The following ZNF746 variants were observed in gnomAD, a reference collection of about 807,000 sequenced individuals.
The protein encoded by ZNF746 is zinc finger protein 746, also known as parkin-interacting substrate.
In ZNF746, 13 loss-of-function variants were observed where a neutral mutation model predicts 41.0. The observed-to-expected ratio is 0.32, with a 90% confidence interval of 0.21 to 0.50. The LOEUF (loss-of-function observed/expected upper bound fraction) is 0.50. ZNF746 is among the 20% of genes least tolerant of loss of function. The probability of loss-of-function intolerance (pLI) is 0.98; values close to 1 mark genes in which losing one functional copy is unlikely to be tolerated. For missense variants in ZNF746, 811 were observed against 922.9 expected (o/e 0.88, Z 1.57); for synonymous variants, 424 against 396.2 (o/e 1.07, Z -0.83).
At position 149,494,071 on chromosome 7, in the gene ZNF746, C is replaced by T; in HGVS notation, c.369G>A (p.Gln123=). The stretch of plus-strand genomic sequence containing the variant: ...GCCAGTCCTCCAGCTTGCCCCACTC[C>T]TGCTCGGAGAAATACACGGCCACAT... ...FDDVAVYFSE[Q]EWGKLEDWQK... is the part of the protein sequence containing the mutation. The change falls in exon 3 of 7, where the codon CAG becomes CAA. Residue 123 remains glutamine, a synonymous_variant. Coordinates refer to ENST00000458143, the MANE Select transcript of ZNF746 (RefSeq NM_001394198.1). The surrounding 1 kb of genome is among the most constrained non-coding windows in gnomAD (Gnocchi z 5.6). The T allele has an allele frequency of 1.2e-6, 2 of 1,614,196 alleles. No individual in the cohort carries two copies. The highest frequency in any genetic ancestry group is 2.2e-5 in the East Asian group (1 of 44,884).
intron 4 of ZNF746, chr7:149,491,561 C>T (rs1585738805): frequency 2.9e-6 from 1 of 350,274 alleles, no homozygotes; most frequent in East Asian, 5.4e-5. Flanking sequence ...AAAAATGCAT[C>T]TGTAGAGCTA....
rs1390915664 is a variant in ZNF746, at chr7:149,497,755, C to T, written c.-219G>A. On this transcript the variant is annotated 5_prime_UTR_variant, in exon 1 of 7. Transcript: ENST00000458143. This position sits in a 1 kb window ranked among gnomAD's most constrained non-coding sequence, Gnocchi z 4.2. The stretch of plus-strand genomic sequence containing the variant: ...CCACACTGCATCCTGGGAGCCGGCG[C>T]CGCGGCCCGGCAGACGAAGGCCCGT... 1 of 174,498 alleles carries T rather than the reference C, an allele frequency of 5.7e-6. No individual in the cohort carries two copies. Among genetic ancestry groups the T allele is most frequent in the Non-Finnish European group, 1.1e-5 (1 of 88,304 alleles). 10.8% of individuals were successfully genotyped at this position (174,498 alleles called of 1,614,324 possible).
chr7:149,474,817 C>A lies in ZNF746; in HGVS notation c.1550G>T (p.Gly517Val), dbSNP rs1176818576. Residue 517 changes from glycine to valine, a missense_variant, in exon 7 of 7, where the codon GGG (glycine) becomes GTG (valine). Gly to Val is a moderately radical substitution (Grantham distance 109). Coordinates refer to ENST00000458143, the MANE Select transcript of ZNF746 (RefSeq NM_001394198.1). The surrounding 1 kb of genome is among the most constrained non-coding windows in gnomAD (Gnocchi z 6.3). ...GGCGCTGCCATCCCGTGCGCTGCCCCCACCGCTGCCGCCACCGCCGCCGCC... is the reference window on the plus strand; with the variant it reads ...GGCGCTGCCATCCCGTGCGCTGCCCACACCGCTGCCGCCACCGCCGCCGCC... ...GSGGGGGGSGGGSARDGSALR... is the reference protein window; with the variant it reads ...GSGGGGGGSGVGSARDGSALR... The A allele has an allele frequency of 9.6e-6, 14 of 1,455,670 alleles. No individual in the cohort carries two copies. The South Asian group carries it at 1.5e-4, about 16-fold the overall frequency. The allele number at this position is 1,455,670 out of a possible 1,614,324, so 90.2% of individuals were successfully genotyped here. A position where few individuals can be genotyped will look rare whatever the true frequency, so the allele number is the denominator to read the frequency against.
In ZNF746 at chr7:149,474,774, G is replaced by T; in HGVS notation, c.1593C>A (p.Cys531Ter). ...GCGCGGGGCGCGTGAAGCAACGGCC[G>T]CACTCCCCACACCGAAGGGCGCTGC... The part of the protein sequence containing the change: ...RDGSALRCGE[C>*]GRCFTRPAHL... The change falls in exon 7 of 7, where the codon TGC becomes TGA. Residue 531 changes from cysteine (C) to a stop codon, truncating the protein, a stop_gained. Coordinates refer to ENST00000458143, the MANE Select transcript of ZNF746 (RefSeq NM_001394198.1). LOFTEE classifies it high-confidence loss of function. This position sits in a 1 kb window ranked among gnomAD's most constrained non-coding sequence, Gnocchi z 6.3. The T allele has an allele frequency of 6.4e-7, 1 of 1,565,410 alleles. No individual in the cohort carries two copies.
At chr7:149,491,330 GC>G (rs1483377239) in intron 4 of ZNF746, 1 of 154,146 alleles carries the variant, frequency 6.5e-6, no homozygotes, top group African/African-American at 2.4e-5. Context: ...CGTATTTCCA[GC>G]CCCTCTTTAC....
At chr7:149,493,511 A>AG (rs1800882699) in intron 3 of ZNF746, among the ~76,000 whole-genome samples, 1 of 152,216 alleles carries the variant, frequency 6.6e-6, no homozygotes, top group African/African-American at 2.4e-5. Context: ...CAGTAGCCCC[A>AG]GGGGCTGAGG....
Position 149,475,078 on chromosome 7 carries a change from G to C in ZNF746, c.1289C>G (p.Pro430Arg). 2 of 1,597,888 alleles carry C rather than the reference G, an allele frequency of 1.3e-6. No individual in the cohort carries two copies. Among genetic ancestry groups the C allele is most frequent in the Non-Finnish European group, 1.7e-6 (2 of 1,173,024 alleles). The change falls in exon 7 of 7, where the codon CCC (proline) becomes CGC (arginine). Residue 430 changes from proline (P) to arginine (R), a missense_variant. Coordinates refer to ENST00000458143, the MANE Select transcript of ZNF746 (RefSeq NM_001394198.1). ...GTTGAATGGCCTTGGGGCCTGGCTG[G>C]GGTCCAAGATGGCCTCTCCGTTGTC... is the stretch of plus-strand genomic sequence containing the variant. ...SPDNGEAILD[P>R]SQAPRPFNEP...
intron 3 of ZNF746, among the ~76,000 whole-genome samples, chr7:149,493,716 A>C (rs896102097): frequency 4.6e-5 from 7 of 152,188 alleles, no homozygotes; most frequent in African/African-American, 1.4e-4. Flanking sequence ...CCCCGCTCCA[A>C]GTCAGCAAGA....
chr7:149,477,632 C>T lies in ZNF746; in HGVS notation c.689G>A (p.Gly230Glu). ...CTGGCTGAGGCCCCAGGGCTCCTCC[C>T]CAATATCTGGCTGCCCGGCTGCCCA... Reference protein sequence around the residue: ...EAWAAGQPDIGEEPWGLSQLD... With the variant: ...EAWAAGQPDIEEEPWGLSQLD... Residue 230 changes from glycine (G) to glutamate (E), a missense_variant, in exon 5 of 7, where the codon GGG (glycine) becomes GAG (glutamate). Transcript: ENST00000458143. 1 of 1,614,084 alleles carries T rather than the reference C, an allele frequency of 6.2e-7. No individual in the cohort carries two copies. Among genetic ancestry groups the T allele is most frequent in the Admixed American group, 1.7e-5 (1 of 60,026 alleles).
At chr7:149,477,277 C>T (rs544649210) in intron 5 of ZNF746, among the ~76,000 whole-genome samples, 2 of 152,276 alleles carry the variant, frequency 1.3e-5, no homozygotes, top group East Asian at 3.9e-4. Flanking sequence ...CGAATAGAGG[C>T]AGCCAGTGAC....
In ZNF746 at chr7:149,475,052, C is replaced by A; in HGVS notation, c.1315G>T (p.Glu439Ter). The change falls in exon 7 of 7, where the codon GAA (glutamate) becomes TAA (stop). Residue 439 changes from glutamate (E) to a stop codon, truncating the protein, a stop_gained. Transcript: ENST00000458143. LOFTEE classifies it low-confidence loss of function (END_TRUNC). ...GTCCGGCCAGGGTATTTACAGGGTTCGTTGAATGGCCTTGGGGCCTGGCTG... is the reference window on the plus strand; with the variant it reads ...GTCCGGCCAGGGTATTTACAGGGTTAGTTGAATGGCCTTGGGGCCTGGCTG... ...DPSQAPRPFN[E>*]PCKYPGRTKG... 6.3e-7 allele frequency: 1 copy of A among 1,578,308 alleles called. No individual in the cohort carries two copies. Among genetic ancestry groups the A allele is most frequent in the African/African-American group, 1.3e-5 (1 of 74,658 alleles).
intron 4 of ZNF746, among the ~76,000 whole-genome samples, chr7:149,483,276 T>C (rs190919565): frequency 1.1e-4 from 17 of 152,090 alleles, no homozygotes; most frequent in Non-Finnish European, 2.4e-4. Context: ...GCTACAATGG[T>C]ACTTAGAGGA....
chr7:149,485,013 T>A (rs1032064818), intron 4 of ZNF746, among the ~76,000 whole-genome samples: 22 of 152,182 alleles, frequency 1.4e-4, no homozygotes, highest in African/African-American at 5.3e-4. Context: ...TAATTCTGCA[T>A]AAAGGGCAGG....
intron 4 of ZNF746, among the ~76,000 whole-genome samples, chr7:149,482,472 T>TG (rs1272283263): frequency 1.3e-4 from 20 of 151,844 alleles, no homozygotes; most frequent in African/African-American, 3.9e-4. Flanking sequence ...CTAAGGTTTT[T>TG]TTTTTTTTTT....
At chr7:149,495,168 C>A (rs1430632502) in intron 1 of ZNF746, among the ~76,000 whole-genome samples, 1 of 152,128 alleles carries the variant, frequency 6.6e-6, no homozygotes, top group East Asian at 1.9e-4. Flanking sequence ...GCCCCTCCCC[C>A]ACAAGCTAAA....
chr7:149,487,856 A>G (rs1585734459), intron 4 of ZNF746: 2 of 152,350 alleles, frequency 1.3e-5, no homozygotes, highest in African/African-American at 4.8e-5. Context: ...TGTAAAGTCA[A>G]TGCAATTCCA....
intron 4 of ZNF746, chr7:149,488,694 A>G (rs1800699706): frequency 6.6e-6 from 1 of 152,206 alleles, no homozygotes; most frequent in Non-Finnish European, 1.5e-5. Context: ...TAATTATGGA[A>G]ACTGGGCAGA....
rs149541542 is a variant in ZNF746 at position 149,475,380 on chromosome 7, T to C, written c.987A>G (p.Pro329=). 267 of 1,614,218 alleles carry C rather than the reference T, an allele frequency of 1.7e-4. 4 individuals are homozygous for C. Among genetic ancestry groups the C allele is most frequent in the Middle Eastern group, 1.2e-3 (7 of 6,062 alleles). The change falls in exon 7 of 7, where the codon CCA becomes CCG. Residue 329 remains proline (P), a synonymous_variant. Coordinates refer to ENST00000458143, the MANE Select transcript of ZNF746 (RefSeq NM_001394198.1). ...DLEAHGTLFG[P]GQATRFFPSP... Reference sequence around the variant, plus strand: ...TAGGGAAGAACCGTGTGGCTTGGCCTGGTCCAAACAGGGTCCCGTGAGCCT... The same window carrying C: ...TAGGGAAGAACCGTGTGGCTTGGCCCGGTCCAAACAGGGTCCCGTGAGCCT...
intron 4 of ZNF746, among the ~76,000 whole-genome samples, chr7:149,479,738 T>C (rs968356181): frequency 6.6e-6 from 1 of 152,144 alleles, no homozygotes; most frequent in African/African-American, 2.4e-5. Flanking sequence ...GTGGAATATC[T>C]AAAATTGCTG....
Sources: gnomAD v4.1 joint callset for allele counts (sites outside exome capture counted in the v4.1 genomes callset) on GRCh38, gnomAD v4.1.1 for gene constraint, Gnocchi (gnomAD v3.1) non-coding constraint, MANE v1.5 for transcripts, NCBI Gene and HGNC (gene_info 2026-07-23, HGNC 2026-07-21) for gene names.